HDAC4: variants seen among roughly 807,000 people sequenced by gnomAD.
HDAC4 encodes the protein histone deacetylase 4, also known as histone deacetylase A.
Under a neutral mutation model 135.1 loss-of-function variants are expected in HDAC4, and 16 were observed. The ratio of observed to expected loss-of-function variants is 0.12; its 90% CI spans 0.08 to 0.18. The LOEUF is 0.18. HDAC4 is among the 10% of genes least tolerant of loss of function. HDAC4 has a pLI of 1.00. For missense variants in HDAC4, 1,143 were observed against 1,511.8 expected (o/e 0.76, Z 4.05); for synonymous variants, 685 against 653.4 (o/e 1.05, Z -0.74).
In HDAC4 at chr2:239,139,532, C is replaced by T. The variant is rs536741919; in HGVS notation, c.978+152G>A. On this transcript the variant is annotated intron_variant, in intron 9 of 26. Coordinates refer to ENST00000543185, the MANE Select transcript of HDAC4 (RefSeq NM_001378414.1). This position sits in a 1 kb window ranked among gnomAD's most constrained non-coding sequence, Gnocchi z 5.3. ...AAGGCAGGAGAGTAACCTCCAACTGCGTCCTTTTTAGGATGGCTCACAGGC... is the reference window on the plus strand; with the variant it reads ...AAGGCAGGAGAGTAACCTCCAACTGTGTCCTTTTTAGGATGGCTCACAGGC... The T allele has an allele frequency of 1.2e-4, 89 of 757,400 alleles. No individual in the cohort carries two copies. The highest frequency in any genetic ancestry group is 3.5e-4 in the East Asian group (14 of 40,074). 46.9% of individuals were successfully genotyped at this position (757,400 alleles called of 1,614,324 possible).
intron 2 of HDAC4, among the ~76,000 whole-genome samples, chr2:239,318,956 C>A (rs985411120): frequency 6.6e-6 from 1 of 152,086 alleles, no homozygotes; most frequent in East Asian, 1.9e-4. Flanking sequence ...TGCCAAGGAA[C>A]GGAACAGCCC....
Position 239,126,593 on chromosome 2 carries a change from G to C in HDAC4, c.1396C>G (p.Pro466Ala), listed in dbSNP as rs768731983. 1 of 1,613,894 alleles carries C rather than the reference G, an allele frequency of 6.2e-7. No individual in the cohort carries two copies. The highest frequency in any genetic ancestry group is 2.2e-5 in the East Asian group (1 of 44,884). Residue 466 changes from proline (P) to alanine (A), a missense_variant, in exon 12 of 27, where the codon CCA becomes GCA. Transcript: ENST00000543185. ...GGGGCCGACTGGGTCCGCCCCAGTG[G>C]GCGGTGCTGCCGCAGCTTGTGGATG... ...PSIHKLRQHR[P>A]LGRTQSAPLP...
chr2:239,275,175 G>A (rs1171514883), intron 2 of HDAC4, among the ~76,000 whole-genome samples: 10 of 152,320 alleles, frequency 6.6e-5, no homozygotes, highest in East Asian at 3.9e-4. Flanking sequence ...CGGAAGCCCC[G>A]TGGGCCGAAG....
rs138168854 is a variant in HDAC4, at chr2:239,274,048, G to A, written c.23-37384C>T. Among the ~76,000 whole-genome samples the A allele has an allele frequency of 2.8e-3, 422 of 152,286 alleles. 2 individuals carry two copies. The highest frequency in any genetic ancestry group is 9.5e-3 in the African/African-American group (395 of 41,560). The stretch of plus-strand genomic sequence containing the variant: ...AACTGCTTTGGAACAATACAGTGAG[G>A]CAGGCCTGGCCCTGCTCAGCCATCG... On this transcript the variant is annotated intron_variant, in intron 2 of 26. Transcript: ENST00000543185.
At chr2:239,059,936 C>A (rs529047351) in intron 24 of HDAC4, among the ~76,000 whole-genome samples, 39 of 152,292 alleles carry the variant, frequency 2.6e-4, no homozygotes, top group African/African-American at 9.1e-4. Flanking sequence ...GGAGAGCTCT[C>A]CGGGGGCCCT....
At chr2:239,103,233 A>G (rs1299248070) in intron 15 of HDAC4, among the ~76,000 whole-genome samples, 1 of 152,082 alleles carries the variant, frequency 6.6e-6, no homozygotes. Context: ...GTCTGGTCTT[A>G]AAATAGAGGT....
chr2:239,298,213 G>A (rs142488453), intron 2 of HDAC4: 7 of 1,289,444 alleles, frequency 5.4e-6, no homozygotes, highest in Middle Eastern at 2.1e-4. Context: ...GGCCCGTCTC[G>A]GTATTCCGGA....
intron 17 of HDAC4, chr2:239,091,002 C>T (rs1242058883): frequency 6.6e-6 from 1 of 152,234 alleles, no homozygotes; most frequent in Non-Finnish European, 1.5e-5. Flanking sequence ...GGAGAGCTGC[C>T]CTGCTCTGCC....
intron 2 of HDAC4, among the ~76,000 whole-genome samples, chr2:239,287,605 A>G (rs531434706): frequency 2.6e-5 from 4 of 152,362 alleles, no homozygotes; most frequent in African/African-American, 7.2e-5. Context: ...TGCACATCCA[A>G]CCTCGGGAGA....
At chr2:239,347,782 G>A (rs767461373) in intron 2 of HDAC4, among the ~76,000 whole-genome samples, 6 of 152,136 alleles carry the variant, frequency 3.9e-5, no homozygotes, top group Non-Finnish European at 7.4e-5. Flanking sequence ...CTCAAAGCAC[G>A]AGGATTACAG....
rs538073986 is a variant in HDAC4 at position 239,213,675 on chromosome 2, T to A, written c.94+22918A>T. Among the ~76,000 whole-genome samples, 11 of 152,282 alleles carry A rather than the reference T, an allele frequency of 7.2e-5. 1 individual carries two copies. The highest frequency in any genetic ancestry group is 7.2e-4 in the Admixed American group (11 of 15,304). On this transcript the variant is annotated intron_variant, in intron 3 of 26. Coordinates refer to ENST00000543185, the MANE Select transcript of HDAC4 (RefSeq NM_001378414.1). ...ACGCTGGAAAACCCAGCATCAGGGT[T>A]CCCAGGAGAAAAACCAAGGGGAGAC...
intron 5 of HDAC4, among the ~76,000 whole-genome samples, chr2:239,170,003 C>G (rs2043353694): frequency 6.6e-6 from 1 of 152,228 alleles, no homozygotes; most frequent in Non-Finnish European, 1.5e-5. Context: ...TCCTCAGAGG[C>G]CTTCTACCTT....
chr2:239,086,453 C>T (rs989230909), intron 19 of HDAC4, among the ~76,000 whole-genome samples: 12 of 151,778 alleles, frequency 7.9e-5, no homozygotes, highest in Non-Finnish European at 1.5e-4. Context: ...CTCTAACACG[C>T]GGATCTGACT....
rs560065849 is a variant in HDAC4 at position 239,171,354 on chromosome 2, T to C, written c.490+5059A>G. On this transcript the variant is annotated intron_variant, in intron 5 of 26. Coordinates refer to ENST00000543185, the MANE Select transcript of HDAC4 (RefSeq NM_001378414.1). Reference sequence around the variant, plus strand: ...ATCCTAGAACTGAAAACCAAATAAATGTAAAATCCAATGGATGAGTTTAAC... The same window carrying C: ...ATCCTAGAACTGAAAACCAAATAAACGTAAAATCCAATGGATGAGTTTAAC... 2.0e-5 allele frequency among the ~76,000 whole-genome samples: 3 copies of C among 152,192 alleles called. No individual in the cohort carries two copies. In the South Asian group the frequency reaches 6.2e-4, roughly 32 times the overall value.
In HDAC4 at chr2:239,349,887, G is replaced by A. The variant is rs913237922; in HGVS notation, c.22+2791C>T. Among the ~76,000 whole-genome samples, 29 of 152,338 alleles carry A rather than the reference G, an allele frequency of 1.9e-4. No individual in the cohort carries two copies. Among genetic ancestry groups the A allele is most frequent in the African/African-American group, 5.5e-4 (23 of 41,586 alleles). On this transcript the variant is annotated intron_variant, in intron 2 of 26. Transcript: ENST00000543185. The surrounding 1 kb of genome is among the most constrained non-coding windows in gnomAD (Gnocchi z 5.7). ...GGGGCAGCCCTGCCCTCACCAGTGC[G>A]GCCTGTCTTCAGCCTCCAACCCACT...
chr2:239,162,447 C>T, intron 6 of HDAC4: 2 of 422,004 alleles, frequency 4.7e-6, no homozygotes, highest in Non-Finnish European at 9.6e-6. Flanking sequence ...CAACCCCACG[C>T]CCTGCCCCAG....
chr2:239,220,633 G>A (rs545832661), intron 3 of HDAC4, among the ~76,000 whole-genome samples: 1 of 152,108 alleles, frequency 6.6e-6, no homozygotes, highest in African/African-American at 2.4e-5. Context: ...GAGTTAGCGA[G>A]AGGAATATAA....
chr2:239,216,948 G>A (rs568248820), intron 3 of HDAC4, among the ~76,000 whole-genome samples: 1 of 152,360 alleles, frequency 6.6e-6, no homozygotes, highest in African/African-American at 2.4e-5. Context: ...TGTCAGAAGA[G>A]AAGTAAGTAG....
intron 2 of HDAC4, among the ~76,000 whole-genome samples, chr2:239,261,505 G>A (rs938824549): frequency 6.6e-6 from 1 of 152,122 alleles, no homozygotes; most frequent in African/African-American, 2.4e-5. Flanking sequence ...GGGCATCCTA[G>A]GACATGACAA....
Sources: allele counts gnomAD v4.1 joint callset (sites outside exome capture counted in the v4.1 genomes callset), GRCh38; gene constraint gnomAD v4.1.1; non-coding constraint Gnocchi (gnomAD v3.1); transcripts MANE v1.5; gene names NCBI Gene and HGNC (gene_info 2026-07-23, HGNC 2026-07-21).